The following SEC22A variants were observed in gnomAD, a reference collection of about 807,000 sequenced individuals.
SEC22A encodes SEC22 homolog A, vesicle trafficking protein.
A neutral mutation model predicts 35.3 loss-of-function variants in SEC22A; 22 were observed. The observed-to-expected ratio is 0.62, with a 90% CI of 0.45 to 0.89. The LOEUF (loss-of-function observed/expected upper bound fraction) is 0.89. SEC22A is among the 40% of genes least tolerant of loss of function. The pLI is 0.00. For missense variants in SEC22A, 354 were observed against 362.5 expected (o/e 0.98, Z 0.19); for synonymous variants, 119 against 129.5 (o/e 0.92, Z 0.55).
At chr3:123,204,932 TC>T (rs1469357091) in intron 1 of SEC22A, 1 of 152,240 alleles carries the variant, frequency 6.6e-6, no homozygotes, top group Non-Finnish European at 1.5e-5. Flanking sequence ...CACTGGTTCT[TC>T]CTTGGGATTT....
chr3:123,203,417 C>CT (rs1936791872), intron 1 of SEC22A, among the ~76,000 whole-genome samples: 1 of 152,040 alleles, frequency 6.6e-6, no homozygotes, highest in South Asian at 2.1e-4. Flanking sequence ...TAATGTAGTG[C>CT]TTTTAGCATG....
chr3:123,240,403 G>A lies in SEC22A; in HGVS notation c.542-5496G>A, dbSNP rs1401752793. Among the ~76,000 whole-genome samples the A allele has an allele frequency of 2.0e-5, 3 of 152,214 alleles. No homozygotes were observed. The East Asian group carries it at 5.8e-4, about 29-fold the overall frequency. The stretch of plus-strand genomic sequence containing the variant: ...TTTATATAAAAGAAGACTACATTGT[G>A]TGACTATTGTGTTCAGCTTCTTTTG... On this transcript the variant is annotated intron_variant, in intron 4 of 6. Transcript: ENST00000492595.
At chr3:123,216,531 A>G (rs6774854) in intron 2 of SEC22A, among the ~76,000 whole-genome samples, 29,867 of 152,172 alleles carry the variant, frequency 0.2, 3,040 homozygotes, top group Middle Eastern at 0.28. Context: ...GTTAAAATTT[A>G]TGGCTAAAAT....
chr3:123,271,659 A>C lies in SEC22A; in HGVS notation c.861A>C (p.Ala287=). ...TTTTCTTTCATGTGACTGTGGGAGC[A>C]TTTGTTACACTACAGATCTGGCTAA... ...WQLFFHVTVG[A]FVTLQIWLRQ... is the part of the protein sequence containing the mutation. Residue 287 remains alanine, a synonymous_variant, in exon 7 of 7, where the codon GCA becomes GCC. Transcript: ENST00000492595. The C allele has an allele frequency of 1.2e-6, 2 of 1,614,166 alleles. No homozygotes were observed. The highest frequency in any genetic ancestry group is 1.7e-6 in the Non-Finnish European group (2 of 1,180,030).
At chr3:123,232,104 G>A (rs1937335404) in intron 4 of SEC22A, among the ~76,000 whole-genome samples, 1 of 152,250 alleles carries the variant, frequency 6.6e-6, no homozygotes, top group African/African-American at 2.4e-5. Flanking sequence ...GCTGAGCATG[G>A]TGGCACGTGC....
In SEC22A at chr3:123,272,758, T is replaced by A. The variant is rs539414173; in HGVS notation, c.*1036T>A. The A allele has an allele frequency of 1.9e-5, 3 of 153,924 alleles. No homozygotes were observed. In the South Asian group the frequency reaches 6.2e-4, roughly 32 times the overall value. The allele number at this position is 153,924 out of a possible 1,614,324, so 9.5% of individuals were successfully genotyped here. A position where few individuals can be genotyped will look rare whatever the true frequency, so the allele number is the denominator to read the frequency against. The stretch of plus-strand genomic sequence containing the variant: ...ACTGTAAAGGGAATGACATTCTCAC[T>A]GTGATTCAGCATTATTCTATGTTGT... On this transcript the variant is annotated 3_prime_UTR_variant, in exon 7 of 7. Transcript: ENST00000492595.
chr3:123,211,425 G>A (rs1210985738), intron 2 of SEC22A, among the ~76,000 whole-genome samples: 1 of 152,048 alleles, frequency 6.6e-6, no homozygotes, highest in Non-Finnish European at 1.5e-5. Flanking sequence ...CTGTTTATGA[G>A]GTGTGAGGCA....
At chr3:123,260,170 C>A (rs938100743) in intron 6 of SEC22A, among the ~76,000 whole-genome samples, 59 of 75,936 alleles carry the variant, frequency 7.8e-4, no homozygotes, top group Non-Finnish European at 9.4e-4. Flanking sequence ...AAAAAAAAAA[C>A]TACTAGATTT....
At chr3:123,217,767 G>T (rs1019302614) in intron 2 of SEC22A, among the ~76,000 whole-genome samples, 1 of 152,154 alleles carries the variant, frequency 6.6e-6, no homozygotes, top group Non-Finnish European at 1.5e-5. Flanking sequence ...CATTTAGCAT[G>T]CTACATTTTA....
chr3:123,264,012 G>A (rs980189748), intron 6 of SEC22A, among the ~76,000 whole-genome samples: 27 of 151,834 alleles, frequency 1.8e-4, no homozygotes, highest in East Asian at 7.7e-4. Context: ...GCTTTGAACT[G>A]GGCTCAAACC....
At chr3:123,269,275 A>AT (rs1461791709) in intron 6 of SEC22A, among the ~76,000 whole-genome samples, 2 of 151,994 alleles carry the variant, frequency 1.3e-5, no homozygotes, top group Admixed American at 6.6e-5. Context: ...ATAAATATAG[A>AT]TAAAAAATGG....
chr3:123,245,896 C>T lies in SEC22A; in HGVS notation c.542-3C>T. The T allele has an allele frequency of 6.5e-7, 1 of 1,546,930 alleles. No individual in the cohort carries two copies. Among genetic ancestry groups the T allele is most frequent in the African/African-American group, 1.4e-5 (1 of 73,294 alleles). ...ATTTCTAACTATTTCTTTTATTTTCCAGCTCACCAGCGACTGGAACCAGCA... is the reference window on the plus strand; with the variant it reads ...ATTTCTAACTATTTCTTTTATTTTCTAGCTCACCAGCGACTGGAACCAGCA... On this transcript the variant is annotated splice_region_variant and splice_polypyrimidine_tract_variant and intron_variant, in intron 4 of 6. Coordinates refer to ENST00000492595, the MANE Select transcript of SEC22A (RefSeq NM_012430.5).
At chr3:123,239,898 G>T (rs1042965480) in intron 4 of SEC22A, among the ~76,000 whole-genome samples, 3 of 152,126 alleles carry the variant, frequency 2.0e-5, no homozygotes, top group African/African-American at 4.8e-5. Context: ...TTGTGGTTTT[G>T]GTGGTAAGGA....
At chr3:123,244,119 T>TAA (rs11457450) in intron 4 of SEC22A, among the ~76,000 whole-genome samples, 25,178 of 151,948 alleles carry the variant, frequency 0.17, 2,323 homozygotes, top group Middle Eastern at 0.27. Flanking sequence ...TTTACTGAAG[T>TAA]AAAAAAAATA....
At chr3:123,222,066 T>C (rs1358781442) in intron 2 of SEC22A, among the ~76,000 whole-genome samples, 1 of 152,160 alleles carries the variant, frequency 6.6e-6, no homozygotes. Flanking sequence ...CCATACTTTA[T>C]CTACTCTACT....
rs184789522 is a variant in SEC22A at position 123,210,840 on chromosome 3, A to G, written c.182+1441A>G. ...CCTGAAGAATTAATAAGAGTTGGCT[A>G]AGGCAGGGAGGAGGGCATTCCAGGT... On this transcript the variant is annotated intron_variant, in intron 2 of 6. Transcript: ENST00000492595. 1.3e-4 allele frequency among the ~76,000 whole-genome samples: 20 copies of G among 152,296 alleles called. No individual in the cohort carries two copies. The East Asian group carries it at 3.3e-3, about 25-fold the overall frequency.
chr3:123,215,229 TG>T (rs1937000401), intron 2 of SEC22A, among the ~76,000 whole-genome samples: 2 of 152,192 alleles, frequency 1.3e-5, no homozygotes, highest in Admixed American at 1.3e-4. Flanking sequence ...TGAAGGGTAG[TG>T]GTGGAGCTGG....
At chr3:123,209,145 T>A (rs1936896658) in intron 1 of SEC22A, 54 bp from the exon 2 acceptor site, 3 of 1,378,590 alleles carry the variant, frequency 2.2e-6, no homozygotes, top group Admixed American at 3.4e-5. Context: ...TTACATATGC[T>A]TATCAAGTTT....
chr3:123,203,224 C>T (rs1936785972), intron 1 of SEC22A, among the ~76,000 whole-genome samples: 1 of 151,722 alleles, frequency 6.6e-6, no homozygotes, highest in Non-Finnish European at 1.5e-5. Context: ...TAAATCCCTA[C>T]TTTGTCACCT....
Sources: gnomAD v4.1 joint callset for allele counts (sites outside exome capture counted in the v4.1 genomes callset) on GRCh38, gnomAD v4.1.1 for gene constraint, MANE v1.5 for transcripts, NCBI Gene and HGNC (gene_info 2026-07-23, HGNC 2026-07-21) for gene names.